The following SLC25A12 variants were observed in gnomAD, a reference collection of about 807,000 sequenced individuals.
SLC25A12 encodes the protein electrogenic aspartate/glutamate antiporter SLC25A12, mitochondrial.
In SLC25A12, 32 loss-of-function variants were observed where a neutral mutation model predicts 83.3. The ratio of observed to expected loss-of-function variants is 0.38; its 90% CI spans 0.29 to 0.52. SLC25A12 has a LOEUF of 0.52. SLC25A12 is among the 20% of genes least tolerant of loss of function. The probability of loss-of-function intolerance (pLI) is 0.84; values close to 1 mark genes in which losing one functional copy is unlikely to be tolerated. For synonymous variants in SLC25A12, 267 were observed against 291.1 expected (o/e 0.92, Z 0.84); for missense variants, 611 against 835.6 (o/e 0.73, Z 3.31).
chr2:171,849,950 T>C (rs1684887198), intron 4 of SLC25A12, among the ~76,000 whole-genome samples: 1 of 151,462 alleles, frequency 6.6e-6, no homozygotes, highest in African/African-American at 2.4e-5. Flanking sequence ...TACAGGTGCA[T>C]ACCACCATAA....
chr2:171,800,751 G>A (rs1683695065), intron 13 of SLC25A12, among the ~76,000 whole-genome samples: 1 of 152,106 alleles, frequency 6.6e-6, no homozygotes, highest in Non-Finnish European at 1.5e-5. Context: ...TGGTAAATTC[G>A]TACGATGAAA....
chr2:171,837,873 C>T (rs1032948118), intron 5 of SLC25A12, among the ~76,000 whole-genome samples: 6 of 152,178 alleles, frequency 3.9e-5, no homozygotes, highest in Admixed American at 1.3e-4. Context: ...TAGTGTTCAG[C>T]TATCACTGGC....
intron 2 of SLC25A12, among the ~76,000 whole-genome samples, chr2:171,887,550 A>G (rs1285274063): frequency 6.6e-6 from 1 of 152,126 alleles, no homozygotes; most frequent in Non-Finnish European, 1.5e-5. Context: ...GACAAAATTA[A>G]CTCTTCATTT....
At chr2:171,878,428 G>A (rs547639204) in intron 2 of SLC25A12, among the ~76,000 whole-genome samples, 17 of 152,236 alleles carry the variant, frequency 1.1e-4, no homozygotes, top group African/African-American at 4.1e-4. Flanking sequence ...GAAAAGCATA[G>A]GATCTCTATT....
chr2:171,865,745 T>C (rs893439819), intron 3 of SLC25A12, among the ~76,000 whole-genome samples: 1 of 151,962 alleles, frequency 6.6e-6, no homozygotes, highest in African/African-American at 2.4e-5. Context: ...CTCCAGTTAG[T>C]GTGGTTTAAA....
chr2:171,892,288 C>T (rs1035732752), intron 2 of SLC25A12, among the ~76,000 whole-genome samples: 2 of 151,412 alleles, frequency 1.3e-5, no homozygotes, highest in Non-Finnish European at 2.9e-5. Flanking sequence ...TGCAGTGGCA[C>T]GATCTCGACT....
chr2:171,870,126 T>G (rs548391792), intron 2 of SLC25A12, among the ~76,000 whole-genome samples: 84 of 152,310 alleles, frequency 5.5e-4, no homozygotes, highest in African/African-American at 2.0e-3. Context: ...TGGCTTATAG[T>G]AGGCACTCAG....
At chr2:171,884,372 G>A in intron 2 of SLC25A12, among the ~76,000 whole-genome samples, 1 of 151,266 alleles carries the variant, frequency 6.6e-6, no homozygotes, top group African/African-American at 2.4e-5. Flanking sequence ...TGTATTTTTA[G>A]TAGAGACGGG....
chr2:171,793,735 T>C lies in SLC25A12; in HGVS notation c.1338A>G (p.Pro446=), dbSNP rs149278617. The C allele has an allele frequency of 1.1e-5, 18 of 1,613,932 alleles. No individual in the cohort carries two copies. Among genetic ancestry groups the C allele is most frequent in the African/African-American group, 5.3e-5 (4 of 74,870 alleles). ...GCAGACGAATCTTCACTATCTCCAATGGGTTGGTAAAAATGACCTGAGAGC... is the reference window on the plus strand; with the variant it reads ...GCAGACGAATCTTCACTATCTCCAACGGGTTGGTAAAAATGACCTGAGAGC... ...AGGSQVIFTN[P]LEIVKIRLQV... Residue 446 remains proline, a synonymous_variant, in exon 14 of 18, where the codon CCA becomes CCG. Coordinates refer to ENST00000422440, the MANE Select transcript of SLC25A12 (RefSeq NM_003705.5).
intron 2 of SLC25A12, among the ~76,000 whole-genome samples, chr2:171,886,494 A>G (rs1017979638): frequency 6.8e-6 from 1 of 147,294 alleles, no homozygotes; most frequent in African/African-American, 2.5e-5. Flanking sequence ...GCTGCAGTTA[A>G]CCTTGTACAT....
intron 14 of SLC25A12, among the ~76,000 whole-genome samples, 163 bp from the exon 15 acceptor site, chr2:171,791,752 G>A (rs576049106): frequency 4.6e-5 from 7 of 152,278 alleles, no homozygotes; most frequent in Admixed American, 4.6e-4. Flanking sequence ...AGGGAAATGG[G>A]GGAGGCGGGA....
At chr2:171,797,656 T>C (rs1174523351) in intron 13 of SLC25A12, among the ~76,000 whole-genome samples, 2 of 152,216 alleles carry the variant, frequency 1.3e-5, no homozygotes, top group Admixed American at 6.5e-5. Flanking sequence ...TTGGCAAATA[T>C]ATTTTTTAAA....
At chr2:171,847,004 C>T (rs1209460471) in intron 4 of SLC25A12, among the ~76,000 whole-genome samples, 1 of 152,150 alleles carries the variant, frequency 6.6e-6, no homozygotes, top group African/African-American at 2.4e-5. Flanking sequence ...GTGATCTCCC[C>T]AAATACAGAA....
chr2:171,817,182 T>C (rs1684070330), intron 9 of SLC25A12, among the ~76,000 whole-genome samples: 1 of 152,182 alleles, frequency 6.6e-6, no homozygotes, highest in South Asian at 2.1e-4. Flanking sequence ...ATGTTTGCTA[T>C]CTAAACCACC....
chr2:171,882,878 G>A (rs2105928958), intron 2 of SLC25A12, among the ~76,000 whole-genome samples: 1 of 152,260 alleles, frequency 6.6e-6, no homozygotes, highest in South Asian at 2.1e-4. Flanking sequence ...CAGAGCCTAT[G>A]GCTGGACCGT....
intron 13 of SLC25A12, among the ~76,000 whole-genome samples, chr2:171,806,273 T>G (rs1211988712): frequency 1.3e-5 from 2 of 152,064 alleles, no homozygotes; most frequent in Non-Finnish European, 2.9e-5. Context: ...CAGCCTAACA[T>G]GGAGAAACCC....
intron 2 of SLC25A12, among the ~76,000 whole-genome samples, chr2:171,878,645 C>T (rs1685620523): frequency 6.6e-6 from 1 of 151,680 alleles, no homozygotes; most frequent in African/African-American, 2.4e-5. Context: ...ACAAACTGTT[C>T]CTCCATTACT....
chr2:171,869,647 A>G (rs1434530154), intron 2 of SLC25A12, among the ~76,000 whole-genome samples: 1 of 152,224 alleles, frequency 6.6e-6, no homozygotes, highest in African/African-American at 2.4e-5. Context: ...CCTGTATCAA[A>G]GAAACTCATT....
chr2:171,814,654 C>G (rs896424711), intron 10 of SLC25A12, among the ~76,000 whole-genome samples: 10 of 151,828 alleles, frequency 6.6e-5, no homozygotes, highest in African/African-American at 1.9e-4. Flanking sequence ...CACCCTCCCC[C>G]ACAAGTAGAC....
Sources: allele counts gnomAD v4.1 joint callset (sites outside exome capture counted in the v4.1 genomes callset), GRCh38; gene constraint gnomAD v4.1.1; transcripts MANE v1.5; gene names NCBI Gene and HGNC (gene_info 2026-07-23, HGNC 2026-07-21).